DCHS2: variants seen among roughly 807,000 people sequenced by gnomAD.
DCHS2 encodes protocadherin-23.
DCHS2 carries 142 observed loss-of-function variants against 182.4 expected under a neutral mutation model. That is an observed-to-expected ratio of 0.78 (90% confidence interval 0.68 to 0.89). The LOEUF (loss-of-function observed/expected upper bound fraction) is 0.89. Ranked by LOEUF, DCHS2 falls within the 40% of genes least tolerant of loss-of-function variation. DCHS2 has a pLI of 0.00. For missense variants in DCHS2, 4,319 were observed against 4,198.6 expected (o/e 1.03, Z -0.79); for synonymous variants, 1,740 against 1,663.3 (o/e 1.05, Z -1.12).
At chr4:154,316,372 A>G (rs1735856265) in intron 9 of DCHS2, among the ~76,000 whole-genome samples, 1 of 152,206 alleles carries the variant, frequency 6.6e-6, no homozygotes, top group South Asian at 2.1e-4. Flanking sequence ...ACCAAGTTAC[A>G]AAAATGTGGG....
At chr4:154,415,254 C>T (rs1732788299) in intron 1 of DCHS2, among the ~76,000 whole-genome samples, 2 of 152,178 alleles carry the variant, frequency 1.3e-5, no homozygotes, top group Non-Finnish European at 2.9e-5. Flanking sequence ...CATTTCTAAT[C>T]TTCTCTCAAA....
At chr4:154,385,551 A>G (rs1731373165) in intron 1 of DCHS2, among the ~76,000 whole-genome samples, 1 of 152,076 alleles carries the variant, frequency 6.6e-6, no homozygotes, top group Non-Finnish European at 1.5e-5. Flanking sequence ...GCAGTAGCAC[A>G]ATCTCGGCTC....
chr4:154,448,403 C>A (rs976176941), intron 1 of DCHS2, among the ~76,000 whole-genome samples: 21 of 152,088 alleles, frequency 1.4e-4, no homozygotes, highest in African/African-American at 5.1e-4. Context: ...AGCAAGTAAC[C>A]CAAGAGTTCT....
chr4:154,243,795 A>G (rs1731949267), intron 16 of DCHS2, among the ~76,000 whole-genome samples: 1 of 152,084 alleles, frequency 6.6e-6, no homozygotes, highest in Non-Finnish European at 1.5e-5. Flanking sequence ...ATCCTTTCTC[A>G]CCAGGAGGAC....
chr4:154,384,512 A>G, intron 1 of DCHS2: 2 of 1,554,716 alleles, frequency 1.3e-6, no homozygotes, highest in East Asian at 2.4e-5. Context: ...AACCTCTGTC[A>G]ATGTTCTAAT....
At chr4:154,372,121 C>T (rs1284883494) in intron 2 of DCHS2, among the ~76,000 whole-genome samples, 1 of 151,986 alleles carries the variant, frequency 6.6e-6, no homozygotes, top group African/African-American at 2.4e-5. Flanking sequence ...TGGGATACAT[C>T]CTGGTCATAT....
chr4:154,362,886 A>T (rs953076697), intron 3 of DCHS2, among the ~76,000 whole-genome samples: 4 of 152,208 alleles, frequency 2.6e-5, no homozygotes, highest in Non-Finnish European at 5.9e-5. Flanking sequence ...GTAAGAATAC[A>T]GTATATAATA....
At chr4:154,390,444 G>A (rs1005475902) in intron 1 of DCHS2, among the ~76,000 whole-genome samples, 1 of 151,886 alleles carries the variant, frequency 6.6e-6, no homozygotes, top group Non-Finnish European at 1.5e-5. Flanking sequence ...GGTAGCAACT[G>A]TAAGTAACTG....
chr4:154,271,240 A>T (rs186011904), intron 13 of DCHS2, among the ~76,000 whole-genome samples: 53 of 152,226 alleles, frequency 3.5e-4, no homozygotes, highest in Non-Finnish European at 6.3e-4. Context: ...AGAGCCAGGG[A>T]GATAAGTGTG....
rs1270298090 is a variant in DCHS2 at position 154,233,215 on chromosome 4, C to A, written c.*1321G>T. On this transcript the variant is annotated 3_prime_UTR_variant, in exon 20 of 20. Transcript: ENST00000357232. ...CCTCATGCTGACCACAGGAAGAGGA[C>A]TTCTGAACCACCATCGTCAGGATGC... The A allele has an allele frequency of 6.6e-6, 1 of 152,126 alleles. No individual in the cohort carries two copies. Among genetic ancestry groups the A allele is most frequent in the Non-Finnish European group, 1.5e-5 (1 of 68,012 alleles). The allele number at this position is 152,126 out of a possible 1,614,324, so 9.4% of individuals were successfully genotyped here.
chr4:154,443,035 C>T lies in DCHS2; in HGVS notation c.2052+46269G>A, dbSNP rs184515870. 5.9e-4 allele frequency among the ~76,000 whole-genome samples: 90 copies of T among 152,176 alleles called. 1 individual carries two copies. In the Middle Eastern group the frequency reaches 0.01, roughly 17 times the overall value. On this transcript the variant is annotated intron_variant, in intron 1 of 19. Coordinates refer to ENST00000357232, the MANE Select transcript of DCHS2 (RefSeq NM_001358235.2). ...TCCCTTTCTTTGACCACCTCCTCCCCTCTGTCCAGCCTACTCACTCCAGTA... is the reference window on the plus strand; with the variant it reads ...TCCCTTTCTTTGACCACCTCCTCCCTTCTGTCCAGCCTACTCACTCCAGTA...
At chr4:154,394,610 C>T (rs936978252) in intron 1 of DCHS2, among the ~76,000 whole-genome samples, 2 of 152,104 alleles carry the variant, frequency 1.3e-5, no homozygotes, top group African/African-American at 4.8e-5. Flanking sequence ...CTCGATAATC[C>T]TATCAGGGTT....
chr4:154,354,513 G>A (rs764180512), intron 3 of DCHS2, among the ~76,000 whole-genome samples: 2 of 152,074 alleles, frequency 1.3e-5, no homozygotes, highest in Non-Finnish European at 2.9e-5. Flanking sequence ...AGTTCCTTTT[G>A]CTCTGTATTG....
Position 154,458,380 on chromosome 4 carries a change from C to T in DCHS2, c.2052+30924G>A, listed in dbSNP as rs369207229. On this transcript the variant is annotated intron_variant, in intron 1 of 19. Coordinates refer to ENST00000357232, the MANE Select transcript of DCHS2 (RefSeq NM_001358235.2). ...AAGCTCTATGCTTCCTAAGGACAAA[C>T]TGGAAAACAGCTGTTACGGTTTTTC... Among the ~76,000 whole-genome samples, 41 of 152,266 alleles carry T rather than the reference C, an allele frequency of 2.7e-4. No homozygotes were observed. The East Asian group carries it at 2.9e-3, about 11-fold the overall frequency.
chr4:154,325,036 G>T (rs78100877), intron 7 of DCHS2, among the ~76,000 whole-genome samples: 1 of 151,890 alleles, frequency 6.6e-6, no homozygotes, highest in Admixed American at 6.6e-5. Flanking sequence ...TCATTTAAAA[G>T]CTAATTTATA....
chr4:154,491,658 A>C lies in DCHS2; in HGVS notation c.-303T>G. ...TTCTCTCTCCTTTTATTCCCTTTAC[A>C]TCTGTTCCTTGTTCTACTCGGCTGG... On this transcript the variant is annotated 5_prime_UTR_variant, in exon 1 of 20. An upstream start codon of the reference 5' UTR is lost. Coordinates refer to ENST00000357232, the MANE Select transcript of DCHS2 (RefSeq NM_001358235.2). 2 of 1,231,048 alleles carry C rather than the reference A, an allele frequency of 1.6e-6. No individual in the cohort carries two copies. Among genetic ancestry groups the C allele is most frequent in the Non-Finnish European group, 1.0e-6 (1 of 987,102 alleles). The allele number at this position is 1,231,048 out of a possible 1,614,324, so 76.3% of individuals were successfully genotyped here.
chr4:154,339,298 C>T (rs1013066606), intron 3 of DCHS2, among the ~76,000 whole-genome samples: 2 of 152,122 alleles, frequency 1.3e-5, no homozygotes, highest in Admixed American at 1.3e-4. Context: ...ATGATGCTCA[C>T]CCATTCTAGG....
At chr4:154,345,131 G>A (rs996632125) in intron 3 of DCHS2, among the ~76,000 whole-genome samples, 17 of 152,288 alleles carry the variant, frequency 1.1e-4, no homozygotes, top group African/African-American at 2.6e-4. Flanking sequence ...ATCAGTCCCC[G>A]TCTGGCTGTG....
rs147630053 is a variant in DCHS2, at chr4:154,259,500, CCACACA to C, written c.6789+39_6789+44del. The stretch of plus-strand genomic sequence containing the variant: ...CTCTCTCTCTCTCACACAGACACAC[CCACACA>C]CACACACACACACACACACACAAAT... On this transcript the variant is annotated intron_variant, in intron 15 of 19. Coordinates refer to ENST00000357232, the MANE Select transcript of DCHS2 (RefSeq NM_001358235.2). 6.2e-4 allele frequency: 870 copies of C among 1,409,902 alleles called. 1 individual carries two copies. In the African/African-American group the frequency reaches 6.6e-3, roughly 11 times the overall value. The allele number at this position is 1,409,902 out of a possible 1,614,324, so 87.3% of individuals were successfully genotyped here. A position where few individuals can be genotyped will look rare whatever the true frequency, so the allele number is the denominator to read the frequency against.
Sources: gnomAD v4.1 joint callset for allele counts (sites outside exome capture counted in the v4.1 genomes callset) on GRCh38, gnomAD v4.1.1 for gene constraint, MANE v1.5 for transcripts, NCBI Gene and HGNC (gene_info 2026-07-23, HGNC 2026-07-21) for gene names.